The following RNGTT variants were observed in gnomAD, a reference collection of about 807,000 sequenced individuals.
RNGTT encodes mRNA-capping enzyme.
Under a neutral mutation model 79.3 loss-of-function variants are expected in RNGTT, and 33 were observed. That is an observed-to-expected ratio of 0.42 (90% CI 0.32 to 0.56). The LOEUF (loss-of-function observed/expected upper bound fraction) is 0.56. RNGTT is among the 20% of genes least tolerant of loss of function. The pLI, the probability that RNGTT is intolerant of heterozygous loss-of-function variation, is 0.17. For synonymous variants in RNGTT, 222 were observed against 235.9 expected (o/e 0.94, Z 0.54); for missense variants, 497 against 739.1 (o/e 0.67, Z 3.80).
At chr6:88,697,482 C>T (rs963484692) in intron 13 of RNGTT, among the ~76,000 whole-genome samples, 1 of 151,654 alleles carries the variant, frequency 6.6e-6, no homozygotes, top group Non-Finnish European at 1.5e-5. Context: ...ACCTGGGAGG[C>T]GGAGCTTGTA....
intron 14 of RNGTT, among the ~76,000 whole-genome samples, chr6:88,671,283 A>C (rs1774629488): frequency 6.6e-6 from 1 of 152,202 alleles, no homozygotes. Context: ...AATGTACACA[A>C]ATCAGTAGCA....
chr6:88,671,807 T>C (rs1194811608), intron 14 of RNGTT, among the ~76,000 whole-genome samples: 1 of 152,148 alleles, frequency 6.6e-6, no homozygotes, highest in Non-Finnish European at 1.5e-5. Flanking sequence ...GCCACATACT[T>C]ACTGCCAACT....
At chr6:88,846,646 G>A (rs935683307) in intron 10 of RNGTT, among the ~76,000 whole-genome samples, 1 of 152,032 alleles carries the variant, frequency 6.6e-6, no homozygotes, top group Non-Finnish European at 1.5e-5. Context: ...TGTGGTCCCA[G>A]CTACTCGGAA....
intron 13 of RNGTT, among the ~76,000 whole-genome samples, chr6:88,703,616 T>C (rs1776017822): frequency 6.6e-6 from 1 of 152,186 alleles, no homozygotes; most frequent in South Asian, 2.1e-4. Context: ...GGATTGTCCA[T>C]ATCTCAAACC....
chr6:88,880,847 CAATT>C (rs1782674177), intron 8 of RNGTT, among the ~76,000 whole-genome samples: 2 of 152,112 alleles, frequency 1.3e-5, no homozygotes, highest in Non-Finnish European at 1.5e-5. Context: ...ATTTTGAAGA[CAATT>C]TATTTAATTG....
chr6:88,706,667 G>A (rs149285395), intron 13 of RNGTT, among the ~76,000 whole-genome samples: 15 of 152,180 alleles, frequency 9.9e-5, no homozygotes, highest in East Asian at 9.6e-4. Context: ...AGGTAAAAAT[G>A]TAACTTAAGC....
intron 13 of RNGTT, among the ~76,000 whole-genome samples, chr6:88,678,987 T>G (rs931741321): frequency 6.6e-6 from 1 of 151,986 alleles, no homozygotes; most frequent in Non-Finnish European, 1.5e-5. Context: ...CCCTTCCACC[T>G]CTTCCACCTC....
chr6:88,691,183 G>A (rs1775466201), intron 13 of RNGTT, among the ~76,000 whole-genome samples: 1 of 152,118 alleles, frequency 6.6e-6, no homozygotes, highest in Non-Finnish European at 1.5e-5. Flanking sequence ...TAGTGAATGA[G>A]TTCTCACGAG....
chr6:88,829,837 T>A (rs1002499052), intron 11 of RNGTT, among the ~76,000 whole-genome samples: 2 of 151,186 alleles, frequency 1.3e-5, no homozygotes, highest in African/African-American at 4.9e-5. Flanking sequence ...CAAGAAGAGG[T>A]AACTATCTTA....
intron 5 of RNGTT, 68 bp from the exon 6 acceptor site, chr6:88,905,023 C>G (rs1783606490): frequency 6.4e-7 from 1 of 1,554,510 alleles, no homozygotes; most frequent in African/African-American, 1.4e-5. Context: ...CAAAAACTCA[C>G]TTATTATATT....
intron 11 of RNGTT, 80 bp from the exon 12 acceptor site, chr6:88,801,712 A>G (rs1779789535): frequency 2.2e-6 from 2 of 912,750 alleles, no homozygotes; most frequent in Admixed American, 2.1e-5. Flanking sequence ...TAAGCTTTAT[A>G]AAAACTTCTT....
chr6:88,752,912 G>T lies in RNGTT; in HGVS notation c.1439+16862C>A, dbSNP rs547410642. Among the ~76,000 whole-genome samples the T allele has an allele frequency of 5.9e-5, 9 of 151,930 alleles. No homozygotes were observed. The South Asian group carries it at 1.9e-3, about 32-fold the overall frequency. Reference sequence around the variant, plus strand: ...ACAAAAATTTTAAAAAATAAAAAAAGATTTCATAATCTAAACGTTTCTGAT... The same window carrying T: ...ACAAAAATTTTAAAAAATAAAAAAATATTTCATAATCTAAACGTTTCTGAT... On this transcript the variant is annotated intron_variant, in intron 13 of 15. Transcript: ENST00000369485.
chr6:88,736,189 C>T (rs1206312382), intron 13 of RNGTT, among the ~76,000 whole-genome samples: 1 of 149,324 alleles, frequency 6.7e-6, no homozygotes, highest in Non-Finnish European at 1.5e-5. Context: ...CTATAATTAA[C>T]CTTTCCAAAA....
At chr6:88,938,397 C>G (rs1784736871) in intron 2 of RNGTT, among the ~76,000 whole-genome samples, 1 of 152,140 alleles carries the variant, frequency 6.6e-6, no homozygotes. Flanking sequence ...TTTTCCATCC[C>G]TTTACTTTCA....
At chr6:88,895,207 G>A (rs906192558) in intron 6 of RNGTT, among the ~76,000 whole-genome samples, 3 of 149,112 alleles carry the variant, frequency 2.0e-5, no homozygotes, top group Admixed American at 6.7e-5. Context: ...GAAGATGGAG[G>A]CAATTTATGT....
rs1213529227 is a variant in RNGTT at position 88,614,367 on chromosome 6, T to C, written c.1535A>G (p.Asn512Ser). 2 of 1,613,598 alleles carry C rather than the reference T, an allele frequency of 1.2e-6. No homozygotes were observed. The highest frequency in any genetic ancestry group is 1.3e-5 in the African/African-American group (1 of 74,936). ...KVTKELKQYD[N>S]KIIECKFENN... ...CTCAAATTTGCATTCTATAATTTTG[T>C]TGTCATACTGTTTCAGCTCTTTTGT... Residue 512 changes from asparagine (N) to serine (S), a missense_variant, in exon 15 of 16, where the codon AAC (asparagine) becomes AGC (serine). Asn to Ser is a conservative substitution (Grantham distance 46). Around this residue, in one of 3 missense-constraint regions of RNGTT, gnomAD observed 440 missense variants for 671.5 expected, o/e 0.66. Coordinates refer to ENST00000369485, the MANE Select transcript of RNGTT (RefSeq NM_003800.5).
rs758707307 is a variant in RNGTT, at chr6:88,678,390, T to C, written c.1469A>G (p.Tyr490Cys). Residue 490 changes from tyrosine (Y) to cysteine (C), a missense_variant, in exon 14 of 16, where the codon TAT (tyrosine) becomes TGT (cysteine). Tyr to Cys is a radical substitution (Grantham distance 194, BLOSUM62 -2). This residue lies in a region of RNGTT where 440 missense variants were observed against 671.5 expected (regional missense o/e 0.66). Transcript: ENST00000369485. Reference protein sequence around the residue: ...GLLPQNVGLLYVGGYERPFAQ... With the variant: ...GLLPQNVGLLCVGGYERPFAQ... ...AAAGGGTCTTTCATAACCTCCAACA[T>C]ACAGGAGGCCAACATTCTGAGGAAG... The C allele has an allele frequency of 2.0e-6, 3 of 1,479,182 alleles. No individual in the cohort carries two copies. The highest frequency in any genetic ancestry group is 1.5e-5 in the South Asian group (1 of 65,636). 91.6% of individuals were successfully genotyped at this position (1,479,182 alleles called of 1,614,324 possible).
At chr6:88,822,145 T>C (rs1318360471) in intron 11 of RNGTT, among the ~76,000 whole-genome samples, 2 of 152,058 alleles carry the variant, frequency 1.3e-5, no homozygotes. Context: ...AAAATCCATA[T>C]TTTTTCCCTA....
At chr6:88,661,816 T>A (rs1465780357) in intron 14 of RNGTT, among the ~76,000 whole-genome samples, 1 of 152,186 alleles carries the variant, frequency 6.6e-6, no homozygotes, top group Non-Finnish European at 1.5e-5. Context: ...AATCATTCCC[T>A]GAAACCATTA....
Sources: allele counts gnomAD v4.1 joint callset (sites outside exome capture counted in the v4.1 genomes callset), GRCh38; gene constraint gnomAD v4.1.1; regional missense constraint gnomAD v4.1.1; transcripts MANE v1.5; gene names NCBI Gene and HGNC (gene_info 2026-07-23, HGNC 2026-07-21).